PDE1C: variants seen among roughly 807,000 people sequenced by gnomAD.
PDE1C encodes phosphodiesterase 1C.
Under a neutral mutation model 93.1 loss-of-function variants are expected in PDE1C, and 62 were observed. The observed-to-expected ratio is 0.67, with a 90% CI of 0.54 to 0.82. PDE1C has a LOEUF of 0.82. PDE1C is among the 40% of genes least tolerant of loss of function. The pLI, the probability that PDE1C is intolerant of heterozygous loss-of-function variation, is 0.00. For synonymous variants in PDE1C, 325 were observed against 310.1 expected, an observed-to-expected ratio of 1.05 and a Z score of -0.50; for missense variants, 742 against 884.6, an observed-to-expected ratio of 0.84 and a Z score of 2.04.
intron 1 of PDE1C, chr7:32,052,315 T>C (rs937489686): frequency 6.2e-6 from 3 of 486,116 alleles, no homozygotes; most frequent in Non-Finnish European, 8.3e-6. Context: ...ATCAGGCTTC[T>C]TAATCTATCA....
intron 2 of PDE1C, among the ~76,000 whole-genome samples, chr7:31,917,704 A>G (rs1328287134): frequency 6.6e-6 from 1 of 152,216 alleles, no homozygotes; most frequent in Non-Finnish European, 1.5e-5. Flanking sequence ...CTGCATTAAG[A>G]GCCTGGCCAG....
At chr7:32,005,786 G>T (rs1786165628) in intron 2 of PDE1C, among the ~76,000 whole-genome samples, 1 of 152,008 alleles carries the variant, frequency 6.6e-6, no homozygotes, top group Non-Finnish European at 1.5e-5. Context: ...CAGTCCTGGG[G>T]GTTGTTTCTG....
chr7:31,876,293 T>G (rs1796578626), intron 5 of PDE1C, among the ~76,000 whole-genome samples: 1 of 152,130 alleles, frequency 6.6e-6, no homozygotes, highest in South Asian at 2.1e-4. Context: ...AAGTAGCAAT[T>G]TATTTAGAGA....
intron 2 of PDE1C, among the ~76,000 whole-genome samples, chr7:32,047,042 TGTGTGTGTGTGCGAGACAGA>T (rs1355641354): frequency 7.8e-6 from 1 of 129,002 alleles, no homozygotes; most frequent in Non-Finnish European, 1.6e-5. Flanking sequence ...GGTGTGTGTG[TGTGTGTGTGTGCGAGACAGA>T]GTGTGTGTGT....
In PDE1C at chr7:31,752,580, C is replaced by T. The variant is rs1794191202; in HGVS notation, c.*804G>A. Reference sequence around the variant, plus strand: ...ATCAAACTGACATCTTTTGCAATGACTCTTAAACCTGCAGTCTTTAAGGCA... The same window carrying T: ...ATCAAACTGACATCTTTTGCAATGATTCTTAAACCTGCAGTCTTTAAGGCA... On this transcript the variant is annotated 3_prime_UTR_variant, in exon 18 of 18. Coordinates refer to ENST00000396191, the MANE Select transcript of PDE1C (RefSeq NM_001191057.4). 6.6e-6 allele frequency: 1 copy of T among 152,138 alleles called. No individual in the cohort carries two copies. Among genetic ancestry groups the T allele is most frequent in the East Asian group, 1.9e-4 (1 of 5,174 alleles). 9.4% of individuals were successfully genotyped at this position (152,138 alleles called of 1,614,324 possible).
At chr7:31,646,573 C>T in the PDE1C span, among the ~76,000 whole-genome samples, 10 of 152,266 alleles carry the variant, frequency 6.6e-5, no homozygotes, top group East Asian at 9.6e-4. Context: ...AGTGTGGACC[C>T]GAGCTCTTCT....
At chr7:32,313,617 A>G (rs1344550465) in intron 1 of PDE1C, among the ~76,000 whole-genome samples, 2 of 152,046 alleles carry the variant, frequency 1.3e-5, no homozygotes, top group African/African-American at 2.4e-5. Flanking sequence ...CACGGATGAA[A>G]CTGGAAACCA....
chr7:31,988,219 G>C (rs550292186), intron 2 of PDE1C, among the ~76,000 whole-genome samples: 2 of 152,260 alleles, frequency 1.3e-5, no homozygotes, highest in South Asian at 2.1e-4. Flanking sequence ...CCAGTCTCTG[G>C]GGGCCTTACA....
the PDE1C span, among the ~76,000 whole-genome samples, chr7:31,626,121 C>T: frequency 6.6e-6 from 1 of 152,066 alleles, no homozygotes; most frequent in South Asian, 2.1e-4. Flanking sequence ...ACATGTTTTA[C>T]CAAGAAAAAA....
At chr7:31,786,280 C>CTTTTTTTTTTTTGTTTTTTTTT (rs1783927034) in intron 16 of PDE1C, 1 of 144,154 alleles carries the variant, frequency 6.9e-6, no homozygotes. Context: ...TGTTTTAGTG[C>CTTTTTTTTTTTTGTTTTTTTTT]TTTTTTTTTT....
At chr7:31,621,884 G>T in the PDE1C span, among the ~76,000 whole-genome samples, 6 of 151,746 alleles carry the variant, frequency 4.0e-5, no homozygotes, top group African/African-American at 1.2e-4. Flanking sequence ...GAGACACATA[G>T]GCTCAAAATA....
At chr7:31,653,657 A>G in the PDE1C span, 1 of 152,248 alleles carries the variant, frequency 6.6e-6, no homozygotes, top group Non-Finnish European at 1.5e-5. Flanking sequence ...ATTTAGAAAT[A>G]AAATGGGAGG....
intron 2 of PDE1C, among the ~76,000 whole-genome samples, chr7:31,937,605 T>C (rs1445402330): frequency 6.6e-6 from 1 of 152,164 alleles, no homozygotes; most frequent in Non-Finnish European, 1.5e-5. Context: ...TAGAATTTTA[T>C]TTTGGGTTTA....
At chr7:32,327,211 T>G (rs1356500545) in intron 1 of PDE1C, among the ~76,000 whole-genome samples, 1 of 152,262 alleles carries the variant, frequency 6.6e-6, no homozygotes, top group Non-Finnish European at 1.5e-5. Flanking sequence ...TGTGAACTAC[T>G]GCAATACTCT....
intron 2 of PDE1C, among the ~76,000 whole-genome samples, chr7:32,039,936 T>C (rs563693769): frequency 6.6e-6 from 1 of 152,354 alleles, no homozygotes; most frequent in South Asian, 2.1e-4. Context: ...TTATGATTTC[T>C]AATTTGTTTC....
intron 3 of PDE1C, among the ~76,000 whole-genome samples, chr7:32,089,274 G>C (rs1213411376): frequency 6.6e-6 from 1 of 152,106 alleles, no homozygotes; most frequent in Non-Finnish European, 1.5e-5. Context: ...TCACATTGAA[G>C]CTTTAAGTAA....
chr7:31,668,422 A>G, the PDE1C span, among the ~76,000 whole-genome samples: 1 of 152,156 alleles, frequency 6.6e-6, no homozygotes, highest in Non-Finnish European at 1.5e-5. Context: ...AAATAACATC[A>G]CAAATTTTCA....
At chr7:32,411,982 T>C (rs1785180482) in intron 1 of PDE1C, among the ~76,000 whole-genome samples, 1 of 152,176 alleles carries the variant, frequency 6.6e-6, no homozygotes, top group Non-Finnish European at 1.5e-5. Context: ...CACTGCCTTC[T>C]ACCTCCATAT....
At chr7:31,622,092 C>G in the PDE1C span, among the ~76,000 whole-genome samples, 1,664 of 139,086 alleles carry the variant, frequency 0.012, 40 homozygotes, top group African/African-American at 0.042. Context: ...CAGGAGCACC[C>G]AGATTCATAA....
Sources: gnomAD v4.1 joint callset for allele counts (sites outside exome capture counted in the v4.1 genomes callset) on GRCh38, gnomAD v4.1.1 for gene constraint, MANE v1.5 for transcripts, NCBI Gene and HGNC (gene_info 2026-07-23, HGNC 2026-07-21) for gene names.